PALLD: variants seen among roughly 807,000 people sequenced by gnomAD.
The protein encoded by PALLD is palladin.
Under a neutral mutation model 123.5 loss-of-function variants are expected in PALLD, and 61 were observed. That is an observed-to-expected ratio of 0.49 (90% confidence interval 0.40 to 0.61). PALLD has a LOEUF of 0.61. Ranked by LOEUF, PALLD falls within the 20% of genes least tolerant of loss-of-function variation. The pLI is 0.00. For missense variants in PALLD, 1,273 were observed against 1,377.0 expected (o/e 0.92, Z 1.20); for synonymous variants, 465 against 496.4 (o/e 0.94, Z 0.84).
intron 10 of PALLD, among the ~76,000 whole-genome samples, chr4:168,770,290 A>G (rs1734215265): frequency 6.6e-6 from 1 of 152,204 alleles, no homozygotes; most frequent in South Asian, 2.1e-4. Flanking sequence ...CGAGAATAGA[A>G]AAGCCTGTCT....
intron 10 of PALLD, among the ~76,000 whole-genome samples, chr4:168,731,728 A>G (rs1303861855): frequency 6.6e-6 from 1 of 152,262 alleles, no homozygotes; most frequent in African/African-American, 2.4e-5. Context: ...GTGGCAAGGA[A>G]AAAAAGATAG....
intron 10 of PALLD, among the ~76,000 whole-genome samples, chr4:168,862,946 T>C (rs1749710378): frequency 6.6e-6 from 1 of 152,214 alleles, no homozygotes; most frequent in Non-Finnish European, 1.5e-5. Flanking sequence ...GGAGTGGGTC[T>C]GTTTAATGCT....
chr4:168,562,790 G>C (rs556309726), intron 2 of PALLD, among the ~76,000 whole-genome samples: 1 of 152,292 alleles, frequency 6.6e-6, no homozygotes, highest in South Asian at 2.1e-4. Flanking sequence ...CTAGGCCGTG[G>C]AAAGGAGGTT....
chr4:168,561,862 G>C (rs1439224601), intron 2 of PALLD, among the ~76,000 whole-genome samples: 1 of 151,996 alleles, frequency 6.6e-6, no homozygotes, highest in Non-Finnish European at 1.5e-5. Flanking sequence ...TATTTCAGGA[G>C]GAATGTCCGT....
intron 2 of PALLD, chr4:168,598,595 A>G: frequency 5.9e-6 from 2 of 337,922 alleles, no homozygotes; most frequent in Non-Finnish European, 1.2e-5. Flanking sequence ...CCCATCTTCA[A>G]TCATGTTCAC....
chr4:168,531,471 TCCAGA>T (rs974725432), intron 2 of PALLD, among the ~76,000 whole-genome samples: 19 of 152,110 alleles, frequency 1.2e-4, no homozygotes, highest in Non-Finnish European at 7.4e-5. Flanking sequence ...TGTCCGGCAC[TCCAGA>T]CCAGAACAAA....
intron 3 of PALLD, chr4:168,678,119 T>G (rs1781054481): frequency 6.6e-6 from 1 of 152,170 alleles, no homozygotes; most frequent in South Asian, 2.1e-4. Context: ...GAAGGCCACC[T>G]GGAGGTCACG....
At chr4:168,740,506 G>A (rs557263596) in intron 10 of PALLD, among the ~76,000 whole-genome samples, 1 of 152,064 alleles carries the variant, frequency 6.6e-6, no homozygotes, top group Admixed American at 6.6e-5. Context: ...TTTTTTCTGA[G>A]CTGGAATTGA....
intron 2 of PALLD, among the ~76,000 whole-genome samples, chr4:168,629,389 A>G (rs1325054778): frequency 6.6e-6 from 1 of 152,240 alleles, no homozygotes; most frequent in African/African-American, 2.4e-5. Context: ...GGAAGTCTAC[A>G]GAGAAAACTA....
chr4:168,849,922 C>A (rs1236708728), intron 10 of PALLD, among the ~76,000 whole-genome samples: 2 of 152,064 alleles, frequency 1.3e-5, no homozygotes, highest in Non-Finnish European at 2.9e-5. Context: ...AAAAGAGATG[C>A]CAGGCTATAT....
At chr4:168,878,364 C>T (rs992209682) in intron 10 of PALLD, 2 of 1,515,984 alleles carry the variant, frequency 1.3e-6, no homozygotes, top group African/African-American at 2.8e-5. Flanking sequence ...GCCGTCAACG[C>T]CCTGGGGCTG....
intron 10 of PALLD, among the ~76,000 whole-genome samples, chr4:168,713,237 A>G (rs921754700): frequency 1.3e-5 from 2 of 152,242 alleles, no homozygotes; most frequent in Non-Finnish European, 2.9e-5. Context: ...CCTATGCGCC[A>G]TCTCCATTCA....
chr4:168,915,800 T>C, intron 16 of PALLD, 95 bp from the exon 17 acceptor site: 1 of 937,640 alleles, frequency 1.1e-6, no homozygotes, highest in East Asian at 2.5e-5. Flanking sequence ...GAAATCATAT[T>C]ATTACCCCAT....
At position 168,869,241 on chromosome 4, in the gene PALLD, A is replaced by G. The variant is rs1366858779; in HGVS notation, c.1965-21681A>G. On this transcript the variant is annotated intron_variant, in intron 10 of 21. Transcript: ENST00000505667. The surrounding 1 kb of genome is among the most constrained non-coding windows in gnomAD (Gnocchi z 4.5). Reference sequence around the variant, plus strand: ...GATGCCTGGCAATCTTTTGACAGGTAGTAAGTGACATCTATGTGCAAAACA... The same window carrying G: ...GATGCCTGGCAATCTTTTGACAGGTGGTAAGTGACATCTATGTGCAAAACA... 6.6e-6 allele frequency among the ~76,000 whole-genome samples: 1 copy of G among 152,198 alleles called. No individual in the cohort carries two copies. Among genetic ancestry groups the G allele is most frequent in the East Asian group, 1.9e-4 (1 of 5,196 alleles).
chr4:168,498,326 C>T (rs1561173239), intron 1 of PALLD, among the ~76,000 whole-genome samples: 1 of 150,166 alleles, frequency 6.7e-6, no homozygotes, highest in Non-Finnish European at 1.5e-5. Flanking sequence ...GTCAGCTCTT[C>T]CTCTGGGTTT....
intron 10 of PALLD, among the ~76,000 whole-genome samples, chr4:168,886,824 GT>G (rs1338671322): frequency 2.6e-5 from 4 of 152,016 alleles, no homozygotes; most frequent in African/African-American, 9.7e-5. Context: ...GAAGTGACTT[GT>G]TATAAGATAG....
At chr4:168,614,976 G>A (rs987333208) in intron 2 of PALLD, among the ~76,000 whole-genome samples, 4 of 152,028 alleles carry the variant, frequency 2.6e-5, no homozygotes, top group African/African-American at 4.8e-5. Flanking sequence ...AAGATTCCTC[G>A]AATACAAGGG....
At chr4:168,578,924 C>A (rs1359954427) in intron 2 of PALLD, among the ~76,000 whole-genome samples, 1 of 152,110 alleles carries the variant, frequency 6.6e-6, no homozygotes, top group African/African-American at 2.4e-5. Flanking sequence ...TTGGTAAACA[C>A]TATTCTGTAA....
intron 2 of PALLD, among the ~76,000 whole-genome samples, chr4:168,569,272 G>T (rs1456425175): frequency 1.3e-5 from 2 of 152,192 alleles, no homozygotes; most frequent in African/African-American, 4.8e-5. Flanking sequence ...GTTCCAGCCC[G>T]CCAAGTGACC....
Sources: allele counts gnomAD v4.1 joint callset (sites outside exome capture counted in the v4.1 genomes callset), GRCh38; gene constraint gnomAD v4.1.1; non-coding constraint Gnocchi (gnomAD v3.1); transcripts MANE v1.5; gene names NCBI Gene and HGNC (gene_info 2026-07-23, HGNC 2026-07-21).